The following CTTNBP2NL variants were observed in gnomAD, a reference collection of about 807,000 sequenced individuals.
CTTNBP2NL encodes CTTNBP2 N-terminal-like protein.
CTTNBP2NL carries 16 observed loss-of-function variants against 32.5 expected under a neutral mutation model. That is an observed-to-expected ratio of 0.49 (90% CI 0.33 to 0.75). The LOEUF is 0.75. Among genes scored for constraint, CTTNBP2NL ranks in the 30% least tolerant of loss-of-function variants. The pLI is 0.02. For missense variants in CTTNBP2NL, 645 were observed against 756.0 expected, an observed-to-expected ratio of 0.85 and a Z score of 1.72; for synonymous variants, 298 against 289.4, an observed-to-expected ratio of 1.03 and a Z score of -0.30.
chr1:112,432,753 TAA>T (rs77485849), intron 3 of CTTNBP2NL, among the ~76,000 whole-genome samples: 6 of 136,148 alleles, frequency 4.4e-5, no homozygotes, highest in Non-Finnish European at 3.2e-5. Context: ...ATTCTATATT[TAA>T]AAAAAAAAAA....
intron 2 of CTTNBP2NL, among the ~76,000 whole-genome samples, chr1:112,415,656 A>C (rs943230527): frequency 6.6e-6 from 1 of 151,394 alleles, no homozygotes; most frequent in Non-Finnish European, 1.5e-5. Context: ...TCCCGCGTTC[A>C]AGTGATTCCC....
intron 1 of CTTNBP2NL, among the ~76,000 whole-genome samples, chr1:112,406,302 T>C (rs553010225): frequency 6.6e-6 from 1 of 152,354 alleles, no homozygotes; most frequent in East Asian, 1.9e-4. Flanking sequence ...CTGAGGCTCC[T>C]TCCAGCTTTG....
chr1:112,445,281 A>G (rs1458853073), intron 3 of CTTNBP2NL, among the ~76,000 whole-genome samples: 1 of 152,084 alleles, frequency 6.6e-6, no homozygotes, highest in African/African-American at 2.4e-5. Context: ...TTTAATGTTT[A>G]TTATTTAGGC....
intron 3 of CTTNBP2NL, among the ~76,000 whole-genome samples, chr1:112,421,411 C>A (rs1270044925): frequency 6.7e-6 from 1 of 149,956 alleles, no homozygotes; most frequent in Non-Finnish European, 1.5e-5. Flanking sequence ...AGCGATTCTC[C>A]TGCCTCAGCC....
At chr1:112,441,886 AT>A (rs1291903102) in intron 3 of CTTNBP2NL, among the ~76,000 whole-genome samples, 1 of 152,184 alleles carries the variant, frequency 6.6e-6, no homozygotes, top group Non-Finnish European at 1.5e-5. Context: ...GGTATAAGGT[AT>A]GCATCTTCCC....
At chr1:112,423,211 T>G (rs1157634726) in intron 3 of CTTNBP2NL, among the ~76,000 whole-genome samples, 1 of 152,190 alleles carries the variant, frequency 6.6e-6, no homozygotes, top group Non-Finnish European at 1.5e-5. Context: ...TGCAAGTCCT[T>G]TATCAAATAT....
In CTTNBP2NL at chr1:112,449,114, A is replaced by G. The variant is rs144829282; in HGVS notation, c.272A>G (p.Lys91Arg). The G allele has an allele frequency of 3.4e-3, 5,412 of 1,614,060 alleles. 22 individuals are homozygous for G. The highest frequency in any genetic ancestry group is 4.3e-3 in the Non-Finnish European group (5,105 of 1,179,904). ...SILKVVMKQC[K>R]NMQERMLSQL... ...CTTAAGGTTGTGATGAAGCAGTGCAAGAACATGCAGGAGCGCATGCTGTCC... is the reference window on the plus strand; with the variant it reads ...CTTAAGGTTGTGATGAAGCAGTGCAGGAACATGCAGGAGCGCATGCTGTCC... The change falls in exon 4 of 6, where the codon AAG (lysine) becomes AGG (arginine). Residue 91 changes from lysine to arginine, a missense_variant. Physicochemically the swap from Lys to Arg is conservative, Grantham distance 26 (BLOSUM62 2). Coordinates refer to ENST00000271277, the MANE Select transcript of CTTNBP2NL (RefSeq NM_018704.3).
chr1:112,421,157 G>T (rs924988765), intron 3 of CTTNBP2NL, among the ~76,000 whole-genome samples: 1 of 151,870 alleles, frequency 6.6e-6, no homozygotes, highest in African/African-American at 2.4e-5. Flanking sequence ...TACTAATAAG[G>T]CCAGGCACTG....
intron 3 of CTTNBP2NL, among the ~76,000 whole-genome samples, chr1:112,427,446 C>T (rs771106143): frequency 6.6e-6 from 1 of 152,158 alleles, no homozygotes; most frequent in African/African-American, 2.4e-5. Flanking sequence ...ACTGAATTTA[C>T]TAATCTCAGG....
chr1:112,396,969 T>A (rs1388471481), intron 1 of CTTNBP2NL, among the ~76,000 whole-genome samples: 1 of 152,200 alleles, frequency 6.6e-6, no homozygotes, highest in Non-Finnish European at 1.5e-5. Flanking sequence ...GTACCTTCCT[T>A]CTACTTTCTG....
rs1349513628 is a variant in CTTNBP2NL at position 112,408,230 on chromosome 1, T to TC, written c.-133-3964_-133-3963insC. Among the ~76,000 whole-genome samples the TC allele has an allele frequency of 5.7e-4, 82 of 144,672 alleles. 1 individual carries two copies. The highest frequency in any genetic ancestry group is 1.1e-3 in the Non-Finnish European group (73 of 65,820). 94.9% of individuals were successfully genotyped at this position (144,672 alleles called of 152,430 possible). On this transcript the variant is annotated intron_variant, in intron 1 of 5. Coordinates refer to ENST00000271277, the MANE Select transcript of CTTNBP2NL (RefSeq NM_018704.3). The stretch of plus-strand genomic sequence containing the variant: ...TTTCTTTTTTTTTTAATTTTTTTTT[T>TC]TTTTTTTTTTTTGCTGTTGCCCAGG...
At chr1:112,411,413 A>G (rs963920320) in intron 1 of CTTNBP2NL, among the ~76,000 whole-genome samples, 14 of 152,240 alleles carry the variant, frequency 9.2e-5, no homozygotes, top group Non-Finnish European at 1.8e-4. Context: ...AAAATTACAT[A>G]TAATTTAACA....
At position 112,456,325 on chromosome 1, in the gene CTTNBP2NL, A is replaced by C. The variant is rs1315134671; in HGVS notation, c.833A>C (p.Glu278Ala). The C allele has an allele frequency of 6.2e-7, 1 of 1,613,936 alleles. No homozygotes were observed. The highest frequency in any genetic ancestry group is 1.1e-5 in the South Asian group (1 of 91,086). Residue 278 changes from glutamate to alanine, a missense_variant, in exon 6 of 6, where the codon GAG (glutamate) becomes GCG (alanine). Coordinates refer to ENST00000271277, the MANE Select transcript of CTTNBP2NL (RefSeq NM_018704.3). ...TTAAAGAAGATAGTGAAGGACCTAG[A>C]GGCTTCCCACCAGCACAGTAGCCCT... Reference protein sequence around the residue: ...ESLKKIVKDLEASHQHSSPNE... With the variant: ...ESLKKIVKDLAASHQHSSPNE...
At chr1:112,403,115 CTTT>C (rs1182913794) in intron 1 of CTTNBP2NL, among the ~76,000 whole-genome samples, 2 of 152,188 alleles carry the variant, frequency 1.3e-5, no homozygotes. Flanking sequence ...TTTAATGTCT[CTTT>C]TGTCAGTCTC....
chr1:112,430,166 T>C (rs1385569756), intron 3 of CTTNBP2NL, among the ~76,000 whole-genome samples: 1 of 147,680 alleles, frequency 6.8e-6, no homozygotes, highest in African/African-American at 2.5e-5. Context: ...CTAGCTCTTT[T>C]CTTTCTTTTC....
intron 3 of CTTNBP2NL, among the ~76,000 whole-genome samples, chr1:112,418,000 T>C (rs1314076777): frequency 6.6e-6 from 1 of 152,202 alleles, no homozygotes; most frequent in Non-Finnish European, 1.5e-5. Flanking sequence ...TGATGCTTAG[T>C]CGGTTGAAAA....
intron 3 of CTTNBP2NL, among the ~76,000 whole-genome samples, chr1:112,419,033 T>C (rs1382450005): frequency 6.6e-6 from 1 of 152,166 alleles, no homozygotes; most frequent in African/African-American, 2.4e-5. Context: ...ATCTATACAA[T>C]GATAAATGGT....
chr1:112,448,806 G>A, intron 3 of CTTNBP2NL, 136 bp from the exon 4 acceptor site: 1 of 610,706 alleles, frequency 1.6e-6, no homozygotes, highest in Admixed American at 2.9e-5. Context: ...TCTTTAGATG[G>A]CTCAATCTGA....
chr1:112,428,731 T>C (rs142524581), intron 3 of CTTNBP2NL, among the ~76,000 whole-genome samples: 169 of 152,320 alleles, frequency 1.1e-3, no homozygotes, highest in African/African-American at 3.8e-3. Flanking sequence ...TTTACTATAC[T>C]ATAATATTTA....
Sources: allele counts gnomAD v4.1 joint callset (sites outside exome capture counted in the v4.1 genomes callset), GRCh38; gene constraint gnomAD v4.1.1; transcripts MANE v1.5; gene names NCBI Gene and HGNC (gene_info 2026-07-23, HGNC 2026-07-21).